PDE1A: variants seen among roughly 807,000 people sequenced by gnomAD.
The protein encoded by PDE1A is dual specificity calcium/calmodulin-dependent 3',5'-cyclic nucleotide phosphodiesterase 1A.
In PDE1A, 35 loss-of-function variants were observed where a neutral mutation model predicts 61.7. The ratio of observed to expected loss-of-function variants is 0.57; its 90% CI spans 0.43 to 0.75. The LOEUF (loss-of-function observed/expected upper bound fraction) is 0.75. Among genes scored for constraint, PDE1A ranks in the 30% least tolerant of loss-of-function variants. The pLI, the probability that PDE1A is intolerant of heterozygous loss-of-function variation, is 0.00. For synonymous variants in PDE1A, 232 were observed against 213.2 expected, an observed-to-expected ratio of 1.09 and a Z score of -0.77; for missense variants, 597 against 630.6, an observed-to-expected ratio of 0.95 and a Z score of 0.57.
the PDE1A span, among the ~76,000 whole-genome samples, chr2:182,591,679 G>A: frequency 1.4e-4 from 22 of 152,292 alleles, no homozygotes; most frequent in Admixed American, 9.8e-4. Context: ...TCTCCCCCAA[G>A]CTGTGACATC....
chr2:182,221,859 C>T (rs999057033), intron 7 of PDE1A, among the ~76,000 whole-genome samples: 1 of 151,930 alleles, frequency 6.6e-6, no homozygotes, highest in African/African-American at 2.4e-5. Flanking sequence ...ACAGGTCACT[C>T]TACCTCTCGA....
At chr2:182,259,560 A>G (rs1192476516) in intron 2 of PDE1A, among the ~76,000 whole-genome samples, 2 of 152,178 alleles carry the variant, frequency 1.3e-5, no homozygotes, top group African/African-American at 4.8e-5. Flanking sequence ...CATTGTCCTT[A>G]CTCTTATTTT....
chr2:182,196,181 A>G (rs1397454724), intron 10 of PDE1A, among the ~76,000 whole-genome samples: 1 of 151,972 alleles, frequency 6.6e-6, no homozygotes, highest in East Asian at 1.9e-4. Context: ...TTAGCTCCAC[A>G]TTTTTCTGTT....
the PDE1A span, among the ~76,000 whole-genome samples, chr2:182,664,032 G>A: frequency 6.6e-6 from 1 of 151,970 alleles, no homozygotes; most frequent in Non-Finnish European, 1.5e-5. Flanking sequence ...ACTTTGGTAA[G>A]AAAAACAGTC....
At chr2:182,296,295 C>G (rs776065316) in intron 1 of PDE1A, among the ~76,000 whole-genome samples, 6 of 152,122 alleles carry the variant, frequency 3.9e-5, no homozygotes, top group Non-Finnish European at 5.9e-5. Context: ...AGTTTTGATA[C>G]AACTCCCCCA....
At chr2:182,378,114 G>C (rs1700520135) in intron 1 of PDE1A, among the ~76,000 whole-genome samples, 1 of 152,148 alleles carries the variant, frequency 6.6e-6, no homozygotes, top group Non-Finnish European at 1.5e-5. Flanking sequence ...CCAAAGTGCT[G>C]GGATTACAGG....
At chr2:182,144,276 CAT>C (rs1174558373), downstream of PDE1A, among the ~76,000 whole-genome samples, 1 of 152,162 alleles carries the variant, frequency 6.6e-6, no homozygotes. Context: ...AAATTCCTGA[CAT>C]ATCTTTCAAG....
At chr2:182,335,078 A>G (rs548854654) in intron 1 of PDE1A, among the ~76,000 whole-genome samples, 1 of 152,322 alleles carries the variant, frequency 6.6e-6, no homozygotes, top group South Asian at 2.1e-4. Flanking sequence ...AGGGATGTGA[A>G]GGACCTCTTC....
At chr2:182,157,503 A>C (rs1691158132) in intron 13 of PDE1A, among the ~76,000 whole-genome samples, 1 of 152,232 alleles carries the variant, frequency 6.6e-6, no homozygotes, top group Non-Finnish European at 1.5e-5. Flanking sequence ...TAGTGTTTAT[A>C]ATCAACAAAC....
At chr2:182,212,379 G>C (rs1403566280) in intron 7 of PDE1A, among the ~76,000 whole-genome samples, 2 of 152,028 alleles carry the variant, frequency 1.3e-5, no homozygotes, top group Non-Finnish European at 2.9e-5. Flanking sequence ...ATCTACTCTT[G>C]GCAATCTTTT....
chr2:182,417,043 A>G (rs1438577047), intron 1 of PDE1A, among the ~76,000 whole-genome samples: 1 of 152,196 alleles, frequency 6.6e-6, no homozygotes, highest in Admixed American at 6.5e-5. Context: ...CAGTCACGCA[A>G]TAGACACACA....
chr2:182,645,070 C>T, the PDE1A span, among the ~76,000 whole-genome samples: 1 of 150,272 alleles, frequency 6.7e-6, no homozygotes, highest in African/African-American at 2.5e-5. Flanking sequence ...ACCGCAAGCT[C>T]AGCCTCCTGG....
chr2:182,673,396 C>T, the PDE1A span, among the ~76,000 whole-genome samples: 3 of 152,106 alleles, frequency 2.0e-5, no homozygotes, highest in Non-Finnish European at 4.4e-5. Flanking sequence ...GCACCTCTTA[C>T]GAAGCACAAA....
chr2:182,528,922 G>A, the PDE1A span, among the ~76,000 whole-genome samples: 1 of 152,244 alleles, frequency 6.6e-6, no homozygotes, highest in East Asian at 1.9e-4. Flanking sequence ...TTCAGAGGAT[G>A]TATGGAAATA....
At chr2:182,562,582 C>G in the PDE1A span, among the ~76,000 whole-genome samples, 7 of 152,132 alleles carry the variant, frequency 4.6e-5, no homozygotes, top group South Asian at 6.2e-4. Flanking sequence ...AATGAGTTAG[C>G]GAGGATTCCC....
the PDE1A span, among the ~76,000 whole-genome samples, chr2:182,540,256 C>T: frequency 3.3e-5 from 5 of 150,000 alleles, no homozygotes; most frequent in East Asian, 1.0e-3. Context: ...CCCAGCTACT[C>T]GGGAGCCTGA....
At chr2:182,402,473 T>C (rs926038052) in intron 1 of PDE1A, among the ~76,000 whole-genome samples, 4 of 152,232 alleles carry the variant, frequency 2.6e-5, no homozygotes. Flanking sequence ...GCTAGCCATA[T>C]GTAGAAAACT....
chr2:182,356,145 C>A (rs1699163630), intron 1 of PDE1A, among the ~76,000 whole-genome samples: 1 of 151,916 alleles, frequency 6.6e-6, no homozygotes, highest in Non-Finnish European at 1.5e-5. Flanking sequence ...ACTAAAATTC[C>A]AAAGAAAGAA....
intron 2 of PDE1A, among the ~76,000 whole-genome samples, chr2:182,242,949 G>GTGTGTGTGTGTGTGTGTGT (rs1690670227): frequency 6.8e-6 from 1 of 147,356 alleles, no homozygotes; most frequent in Non-Finnish European, 1.5e-5. Context: ...GTGTGTGTGT[G>GTGTGTGTGTGTGTGTGTGT]TTGTGTAGCT....
Sources: gnomAD v4.1 joint callset for allele counts (sites outside exome capture counted in the v4.1 genomes callset) on GRCh38, gnomAD v4.1.1 for gene constraint, MANE v1.5 for transcripts, NCBI Gene and HGNC (gene_info 2026-07-23, HGNC 2026-07-21) for gene names.